Variants in DNAH14 observed in about 807,000 individuals in gnomAD.
DNAH14 encodes the protein dynein axonemal heavy chain 14, also known as axonemal beta dynein heavy chain 14.
Under a neutral mutation model 520.9 loss-of-function variants are expected in DNAH14, and 478 were observed. The ratio of observed to expected loss-of-function variants is 0.92; its 90% CI spans 0.85 to 0.99. DNAH14 has a LOEUF of 0.99. DNAH14 is among the 50% of genes least tolerant of loss of function. The probability of loss-of-function intolerance (pLI) is 0.00; values close to 1 mark genes in which losing one functional copy is unlikely to be tolerated. For synonymous variants in DNAH14, 1,581 were observed against 1,757.2 expected (o/e 0.90, Z 2.51); for missense variants, 4,831 against 5,234.5 (o/e 0.92, Z 2.38).
chr1:225,082,752 G>T lies in DNAH14; in HGVS notation c.3327+13G>T. 2 of 1,529,842 alleles carry T rather than the reference G, an allele frequency of 1.3e-6. No homozygotes were observed. Among genetic ancestry groups the T allele is most frequent in the South Asian group, 2.5e-5 (2 of 78,996 alleles). 94.8% of individuals were successfully genotyped at this position (1,529,842 alleles called of 1,614,324 possible). Reference sequence around the variant, plus strand: ...TCTAGCTCTCAAGGTAAATAAAAATGGTTTTTTAAAAAAATAGGTTGAAAT... The same window carrying T: ...TCTAGCTCTCAAGGTAAATAAAAATTGTTTTTTAAAAAAATAGGTTGAAAT... On this transcript the variant is annotated intron_variant, in intron 20 of 85. Transcript: ENST00000682510.
intron 34 of DNAH14, among the ~76,000 whole-genome samples, chr1:225,156,730 T>G (rs1437291840): frequency 2.9e-5 from 3 of 104,590 alleles, no homozygotes; most frequent in African/African-American, 4.1e-5. Flanking sequence ...TTTTTTTTTT[T>G]TTGAGACGGA....
intron 36 of DNAH14, among the ~76,000 whole-genome samples, chr1:225,185,030 A>C (rs1009847994): frequency 6.6e-6 from 1 of 152,098 alleles, no homozygotes; most frequent in Non-Finnish European, 1.5e-5. Context: ...AAAATAAAAA[A>C]TAAATTTTAA....
chr1:225,004,664 G>A (rs1389506485), intron 9 of DNAH14, among the ~76,000 whole-genome samples: 1 of 152,142 alleles, frequency 6.6e-6, no homozygotes, highest in Non-Finnish European at 1.5e-5. Context: ...TTCTGATACT[G>A]TATGTGGAAA....
intron 68 of DNAH14, among the ~76,000 whole-genome samples, chr1:225,339,330 TTCTC>T (rs1468335995): frequency 1.3e-5 from 2 of 151,892 alleles, no homozygotes; most frequent in Admixed American, 1.3e-4. Context: ...ATAATAATAA[TTCTC>T]TCTTCCATTA....
intron 64 of DNAH14, among the ~76,000 whole-genome samples, chr1:225,330,658 G>A (rs556259588): frequency 6.6e-6 from 1 of 152,180 alleles, no homozygotes; most frequent in Non-Finnish European, 1.5e-5. Context: ...CAGAGGCTGG[G>A]AAGGGTAGTG....
chr1:225,314,364 C>T (rs1395596568), intron 60 of DNAH14, among the ~76,000 whole-genome samples: 1 of 152,196 alleles, frequency 6.6e-6, no homozygotes, highest in East Asian at 1.9e-4. Flanking sequence ...GAATACAGCA[C>T]ACCAGTGGGT....
At chr1:225,063,351 G>A (rs1362120696) in intron 17 of DNAH14, among the ~76,000 whole-genome samples, 2 of 152,072 alleles carry the variant, frequency 1.3e-5, no homozygotes, top group Admixed American at 6.5e-5. Flanking sequence ...TGTAAATGCT[G>A]TGTAACTAAT....
At chr1:225,044,496 C>T (rs796735903) in intron 15 of DNAH14, among the ~76,000 whole-genome samples, 17 of 152,188 alleles carry the variant, frequency 1.1e-4, no homozygotes, top group African/African-American at 4.1e-4. Flanking sequence ...CCATAGTTTG[C>T]TGAGTTCAGA....
rs915831218 is a variant in DNAH14, at chr1:225,388,248, G to A, written c.13078-131G>A. 40 of 527,210 alleles carry A rather than the reference G, an allele frequency of 7.6e-5. No homozygotes were observed. The East Asian group carries it at 1.1e-3, about 14-fold the overall frequency. 32.7% of individuals were successfully genotyped at this position (527,210 alleles called of 1,614,324 possible). A position where few individuals can be genotyped will look rare whatever the true frequency, so the allele number is the denominator to read the frequency against. On this transcript the variant is annotated intron_variant, in intron 81 of 85. Coordinates refer to ENST00000682510, the MANE Select transcript of DNAH14 (RefSeq NM_001367479.1). Reference sequence around the variant, plus strand: ...GACTTTTCATTATATGCTTTCAGTTGGAAAAGGACATCCTCCTGCCAAGTT... The same window carrying A: ...GACTTTTCATTATATGCTTTCAGTTAGAAAAGGACATCCTCCTGCCAAGTT...
At chr1:224,972,019 A>T (rs2061528100) in intron 7 of DNAH14, among the ~76,000 whole-genome samples, 1 of 152,154 alleles carries the variant, frequency 6.6e-6, no homozygotes, top group African/African-American at 2.4e-5. Context: ...TGTCAGTGTC[A>T]GACTTTCCAC....
In DNAH14 at chr1:225,304,953, A is replaced by G; in HGVS notation, c.8869A>G (p.Ser2957Gly). ...LAPTCVQIHK[S>G]MKDLNRKYFE... The stretch of plus-strand genomic sequence containing the variant: ...CCCAACATGTGTCCAAATCCACAAA[A>G]GCATGAAAGACTTGAACAGAAAATA... The change falls in exon 58 of 86, where the codon AGC (serine) becomes GGC (glycine). Residue 2957 changes from serine to glycine, a missense_variant. Transcript: ENST00000682510. 1 of 1,537,430 alleles carries G rather than the reference A, an allele frequency of 6.5e-7. No homozygotes were observed. Among genetic ancestry groups the G allele is most frequent in the Non-Finnish European group, 8.7e-7 (1 of 1,144,000 alleles).
intron 43 of DNAH14, among the ~76,000 whole-genome samples, chr1:225,242,562 G>C (rs1409312784): frequency 6.6e-6 from 1 of 152,092 alleles, no homozygotes; most frequent in East Asian, 1.9e-4. Context: ...AATACACACA[G>C]AGCTGTCATC....
intron 66 of DNAH14, among the ~76,000 whole-genome samples, chr1:225,336,018 T>C (rs1295985900): frequency 6.9e-5 from 9 of 130,464 alleles, no homozygotes; most frequent in Non-Finnish European, 1.1e-4. Flanking sequence ...TACGCATATA[T>C]GCATATATGT....
intron 75 of DNAH14, among the ~76,000 whole-genome samples, chr1:225,361,472 T>C (rs2095491354): frequency 6.6e-6 from 1 of 152,266 alleles, no homozygotes; most frequent in Non-Finnish European, 1.5e-5. Context: ...GTTGAATCAA[T>C]GATGTTTCAA....
At chr1:225,386,107 C>T (rs188087806) in intron 81 of DNAH14, among the ~76,000 whole-genome samples, 9 of 152,174 alleles carry the variant, frequency 5.9e-5, no homozygotes, top group African/African-American at 1.4e-4. Flanking sequence ...TTTGAGAAAC[C>T]GGACAAAAAC....
chr1:225,257,834 C>A, intron 44 of DNAH14, 126 bp from the exon 45 acceptor site: 2 of 797,150 alleles, frequency 2.5e-6, no homozygotes, highest in Non-Finnish European at 3.7e-6. Flanking sequence ...CGTGCCCAGC[C>A]AGCCATGTAC....
At chr1:225,116,906 T>C (rs1333013312) in intron 23 of DNAH14, among the ~76,000 whole-genome samples, 1 of 152,088 alleles carries the variant, frequency 6.6e-6, no homozygotes, top group African/African-American at 2.4e-5. Flanking sequence ...AACTGAGAGA[T>C]ACAAAGAATC....
At chr1:225,105,302 C>A (rs2075935996) in intron 23 of DNAH14, among the ~76,000 whole-genome samples, 1 of 152,066 alleles carries the variant, frequency 6.6e-6, no homozygotes, top group Non-Finnish European at 1.5e-5. Context: ...AGCTTTACTT[C>A]CAACTATGTG....
chr1:225,025,580 C>T (rs2066044888), intron 11 of DNAH14, among the ~76,000 whole-genome samples: 1 of 151,188 alleles, frequency 6.6e-6, no homozygotes, highest in Non-Finnish European at 1.5e-5. Context: ...AAAACAACAA[C>T]AACAACAACA....
Sources: gnomAD v4.1 joint callset for allele counts (sites outside exome capture counted in the v4.1 genomes callset) on GRCh38, gnomAD v4.1.1 for gene constraint, MANE v1.5 for transcripts, NCBI Gene and HGNC (gene_info 2026-07-23, HGNC 2026-07-21) for gene names.